Variants in CRHR2 observed in about 807,000 individuals in gnomAD.
CRHR2 encodes the protein corticotropin releasing hormone receptor 2.
Under a neutral mutation model 57.9 loss-of-function variants are expected in CRHR2, and 53 were observed. The observed-to-expected ratio is 0.92, with a 90% CI of 0.73 to 1.15. The LOEUF is 1.15. Ranked by LOEUF, CRHR2 falls within the 50% of genes most tolerant of loss-of-function variation. CRHR2 has a pLI of 0.00. For synonymous variants in CRHR2, 213 were observed against 220.9 expected, an observed-to-expected ratio of 0.96 and a Z score of 0.32; for missense variants, 532 against 542.6, an observed-to-expected ratio of 0.98 and a Z score of 0.19.
intron 7 of CRHR2, among the ~76,000 whole-genome samples, chr7:30,660,932 G>A (rs1439952418): frequency 6.6e-6 from 1 of 152,240 alleles, no homozygotes; most frequent in African/African-American, 2.4e-5. Flanking sequence ...CTAGGCATAG[G>A]ACTGGGCATG....
chr7:30,655,560 C>G lies in CRHR2; in HGVS notation c.1053+20G>C, dbSNP rs762551772. ...TCAGGAAAGCTCACTGTGGGGCCCC[C>G]ATCTGGTCACAGGCCCCACCTGGAA... On this transcript the variant is annotated intron_variant, in intron 10 of 11. Coordinates refer to ENST00000471646, the MANE Select transcript of CRHR2 (RefSeq NM_001883.5). 5 of 1,603,408 alleles carry G rather than the reference C, an allele frequency of 3.1e-6. No individual in the cohort carries two copies. Among genetic ancestry groups the G allele is most frequent in the Non-Finnish European group, 2.6e-6 (3 of 1,174,076 alleles).
chr7:30,653,432 G>A lies in CRHR2; in HGVS notation c.*28C>T, dbSNP rs780561724. On this transcript the variant is annotated 3_prime_UTR_variant, in exon 12 of 12. Coordinates refer to ENST00000471646, the MANE Select transcript of CRHR2 (RefSeq NM_001883.5). The surrounding 1 kb of genome is among the most constrained non-coding windows in gnomAD (Gnocchi z 5.0). The stretch of plus-strand genomic sequence containing the variant: ...GAGGAAGAAGGTGGAGGAGGACAGG[G>A]GAGCTGTGCAGGTGGGCGACCGAGG... The A allele has an allele frequency of 3.3e-5, 53 of 1,609,556 alleles. No individual in the cohort carries two copies. Among genetic ancestry groups the A allele is most frequent in the Non-Finnish European group, 4.5e-5 (53 of 1,178,010 alleles).
At chr7:30,660,382 G>C (rs1783947621) in intron 8 of CRHR2, among the ~76,000 whole-genome samples, 191 bp downstream of exon 8, 1 of 152,242 alleles carries the variant, frequency 6.6e-6, no homozygotes, top group Non-Finnish European at 1.5e-5. Context: ...CTGCGCCAGG[G>C]CATCGAGCAT....
upstream of CRHR2, chr7:30,682,495 C>T: frequency 7.7e-7 from 1 of 1,303,206 alleles, no homozygotes; most frequent in Non-Finnish European, 9.7e-7. Context: ...GTGCACGGAG[C>T]TGCGGGTACA....
rs1324480003 is a variant in CRHR2 at position 30,653,621 on chromosome 7, C to T, written c.1096-21G>A. ...CGCACCTGTGGGGAAGGCAGAGGCT[C>T]AGCTGGCTCCCAGGGACCAACCCTG... On this transcript the variant is annotated intron_variant, in intron 11 of 11. Transcript: ENST00000471646. This position sits in a 1 kb window ranked among gnomAD's most constrained non-coding sequence, Gnocchi z 5.0. 6.3e-7 allele frequency: 1 copy of T among 1,597,064 alleles called. No individual in the cohort carries two copies. The highest frequency in any genetic ancestry group is 1.7e-5 in the Admixed American group (1 of 59,312).
intron 2 of CRHR2, among the ~76,000 whole-genome samples, chr7:30,672,225 C>G (rs566610161): frequency 6.6e-6 from 1 of 152,344 alleles, no homozygotes; most frequent in Middle Eastern, 3.4e-3. Context: ...CATGACTGTT[C>G]CAGCTCCCCA....
intron 8 of CRHR2, among the ~76,000 whole-genome samples, chr7:30,657,540 A>G (rs1783835509): frequency 6.6e-6 from 1 of 152,208 alleles, no homozygotes; most frequent in African/African-American, 2.4e-5. Flanking sequence ...CAAGTAATAC[A>G]AAGTATTTGA....
exon 2 of CRHR2, chr7:30,689,276 C>T: frequency 6.5e-7 from 1 of 1,550,306 alleles, no homozygotes; most frequent in Non-Finnish European, 8.7e-7. Flanking sequence ...TCTGGCTCTG[C>T]CCGGCTGCCT....
upstream of CRHR2, among the ~76,000 whole-genome samples, chr7:30,685,976 T>G (rs577749185): frequency 3.9e-4 from 60 of 152,248 alleles, no homozygotes; most frequent in African/African-American, 1.3e-3. Flanking sequence ...TTCTGCTCCA[T>G]TTGAAAGGCC....
intron 2 of CRHR2, among the ~76,000 whole-genome samples, chr7:30,675,487 T>C (rs755768275): frequency 6.6e-6 from 1 of 152,260 alleles, no homozygotes; most frequent in African/African-American, 2.4e-5. Flanking sequence ...TCCTGTGCCA[T>C]AGGGCTACGG....
At chr7:30,687,464 T>G (rs1428599376) in intron 2 of CRHR2, among the ~76,000 whole-genome samples, 4 of 151,286 alleles carry the variant, frequency 2.6e-5, no homozygotes, top group Non-Finnish European at 5.9e-5. Context: ...AAAAAGAAAA[T>G]AAAAAAACAA....
chr7:30,694,336 G>C (rs562116975), intron 1 of CRHR2, among the ~76,000 whole-genome samples: 1 of 152,312 alleles, frequency 6.6e-6, no homozygotes, highest in South Asian at 2.1e-4. Flanking sequence ...CAAAGGAGAG[G>C]CCCTGGCTGG....
chr7:30,657,370 G>A (rs1360644305), intron 8 of CRHR2, among the ~76,000 whole-genome samples: 3 of 152,128 alleles, frequency 2.0e-5, no homozygotes, highest in South Asian at 4.1e-4. Flanking sequence ...TCCCAGGGAG[G>A]GCTGGGGATG....
chr7:30,684,650 T>G (rs1017568411), upstream of CRHR2, among the ~76,000 whole-genome samples: 2 of 152,212 alleles, frequency 1.3e-5, no homozygotes, highest in Non-Finnish European at 2.9e-5. Context: ...AGTTGGGGTC[T>G]GAGCACATAC....
At chr7:30,676,168 G>A (rs62446873) in intron 2 of CRHR2, among the ~76,000 whole-genome samples, 1 of 152,158 alleles carries the variant, frequency 6.6e-6, no homozygotes, top group African/African-American at 2.4e-5. Context: ...GGCTGGACTC[G>A]GAACATAGAG....
chr7:30,700,095 G>C, exon 1 of CRHR2: 1 of 1,190,178 alleles, frequency 8.4e-7, no homozygotes, highest in Non-Finnish European at 1.1e-6. Flanking sequence ...TCACACCCTG[G>C]CCAGCCCCAC....
intron 1 of CRHR2, 60 bp downstream of exon 1, chr7:30,682,118 C>T (rs1338001934): frequency 1.3e-6 from 2 of 1,534,080 alleles, no homozygotes; most frequent in African/African-American, 2.8e-5. Context: ...GGGTCAGGGG[C>T]GCACCCAGCG....
At chr7:30,671,291 T>C (rs1286439225) in intron 2 of CRHR2, among the ~76,000 whole-genome samples, 3 of 152,166 alleles carry the variant, frequency 2.0e-5, no homozygotes, top group African/African-American at 7.2e-5. Context: ...ACTCCAAGCA[T>C]CCTGACATCA....
chr7:30,660,543 G>GC (rs1783956972), intron 8 of CRHR2, 30 bp downstream of exon 8: 1 of 1,551,282 alleles, frequency 6.4e-7, no homozygotes, highest in Non-Finnish European at 8.7e-7. Context: ...TTGGCACCCA[G>GC]CCCCATCCCA....
Sources: allele counts gnomAD v4.1 joint callset (sites outside exome capture counted in the v4.1 genomes callset), GRCh38; gene constraint gnomAD v4.1.1; non-coding constraint Gnocchi (gnomAD v3.1); transcripts MANE v1.5; gene names NCBI Gene and HGNC (gene_info 2026-07-23, HGNC 2026-07-21).